Variants in BLTP2 observed in about 807,000 individuals in gnomAD.
BLTP2 encodes the protein U937-associated antigen.
At chr17:28,627,840 T>C in the BLTP2 span, among the ~76,000 whole-genome samples, 1 of 152,082 alleles carries the variant, frequency 6.6e-6, no homozygotes, top group African/African-American at 2.4e-5. Flanking sequence ...GTATTATTTT[T>C]AGTAGAGATG....
At chr17:28,642,974 T>C in the BLTP2 span, 2 of 1,593,738 alleles carry the variant, frequency 1.3e-6, no homozygotes, top group Non-Finnish European at 1.7e-6. Flanking sequence ...AGCATCTACA[T>C]GAATGGAGAA....
chr17:28,640,028 G>A, the BLTP2 span: 1 of 1,612,890 alleles, frequency 6.2e-7, no homozygotes, highest in Admixed American at 1.7e-5. Flanking sequence ...TCAGGTGCCT[G>A]GACCGAGACA....
the BLTP2 span, chr17:28,634,700 G>A: frequency 8.8e-4 from 1,413 of 1,614,218 alleles, 19 homozygotes; most frequent in Admixed American, 0.022. Flanking sequence ...CAAGTAAGCA[G>A]TGCCCGGCGC....
At chr17:28,635,890 T>A in the BLTP2 span, 1 of 358,232 alleles carries the variant, frequency 2.8e-6, no homozygotes, top group Non-Finnish European at 5.1e-6. Flanking sequence ...CTTAATTCTT[T>A]GGTATCTACC....
chr17:28,637,010 A>G, the BLTP2 span: 14 of 1,614,200 alleles, frequency 8.7e-6, no homozygotes, highest in South Asian at 2.2e-5. Context: ...AGAGCATGGA[A>G]AGGCTGAGCA....
chr17:28,644,064 T>G, the BLTP2 span: 1 of 1,614,178 alleles, frequency 6.2e-7, no homozygotes, highest in East Asian at 2.2e-5. Context: ...TCACCACTGT[T>G]TGCTGGTGTT....
At chr17:28,620,093 A>C in the BLTP2 span, 2 of 1,330,954 alleles carry the variant, frequency 1.5e-6, no homozygotes, top group Non-Finnish European at 2.1e-6. Flanking sequence ...AGAAAGGAGA[A>C]AGAAATGGGG....
chr17:28,637,474 T>A, the BLTP2 span, among the ~76,000 whole-genome samples: 2 of 152,346 alleles, frequency 1.3e-5, no homozygotes, highest in African/African-American at 2.4e-5. Flanking sequence ...CTTTTTCTTA[T>A]ATGTCTTGCT....
the BLTP2 span, among the ~76,000 whole-genome samples, chr17:28,624,695 C>T: frequency 6.6e-6 from 1 of 152,044 alleles, no homozygotes; most frequent in African/African-American, 2.4e-5. Flanking sequence ...CATTTTATTT[C>T]TTTTTTCATT....
At chr17:28,633,823 G>A in the BLTP2 span, 54 of 1,597,168 alleles carry the variant, frequency 3.4e-5, no homozygotes, top group Non-Finnish European at 4.5e-5. Flanking sequence ...CTCCAGAAGG[G>A]TCTCAGCTCA....
At chr17:28,637,814 A>T in the BLTP2 span, 3 of 1,608,156 alleles carry the variant, frequency 1.9e-6, no homozygotes, top group African/African-American at 2.7e-5. Flanking sequence ...ACACTTCAGT[A>T]TAGACTCCTT....
chr17:28,638,435 A>C, the BLTP2 span: 2 of 1,611,226 alleles, frequency 1.2e-6, no homozygotes, highest in South Asian at 1.1e-5. Context: ...GGTGAGAAAG[A>C]GGGATTGCAT....
the BLTP2 span, chr17:28,642,037 C>T: frequency 3.1e-6 from 5 of 1,614,092 alleles, no homozygotes; most frequent in African/African-American, 6.7e-5. Context: ...CCTTTAGACA[C>T]AGGTCCAGGG....
the BLTP2 span, chr17:28,643,065 G>A: frequency 5.1e-5 from 78 of 1,533,928 alleles, no homozygotes; most frequent in African/African-American, 9.9e-4. Flanking sequence ...AAGAGGGGCA[G>A]CTCTTAGCAT....
the BLTP2 span, chr17:28,639,014 C>G: frequency 1.1e-5 from 5 of 475,830 alleles, no homozygotes; most frequent in Non-Finnish European, 1.9e-5. Context: ...TGACTGCCAC[C>G]TTACAATCAA....
At chr17:28,634,292 A>G in the BLTP2 span, among the ~76,000 whole-genome samples, 4 of 152,204 alleles carry the variant, frequency 2.6e-5, no homozygotes, top group Non-Finnish European at 5.9e-5. Flanking sequence ...TCCAAGAGAC[A>G]CAATAACCTT....
chr17:28,623,029 C>T, the BLTP2 span, among the ~76,000 whole-genome samples: 3 of 152,058 alleles, frequency 2.0e-5, no homozygotes, highest in Admixed American at 6.5e-5. Context: ...GAGCTGAGTT[C>T]GCGCCATTGC....
At chr17:28,638,614 T>C in the BLTP2 span, 3 of 1,612,546 alleles carry the variant, frequency 1.9e-6, no homozygotes, top group Non-Finnish European at 2.5e-6. Context: ...GTGCTAAAGA[T>C]GATGGGAGCC....
chr17:28,618,822 T>G, the BLTP2 span: 1 of 1,614,054 alleles, frequency 6.2e-7, no homozygotes, highest in South Asian at 1.1e-5. Flanking sequence ...CAGTTCTAAT[T>G]CAGCAATTCC....
Sources: gnomAD v4.1 joint callset for allele counts (sites outside exome capture counted in the v4.1 genomes callset) on GRCh38, gnomAD v4.1.1 for gene constraint, MANE v1.5 for transcripts, NCBI Gene and HGNC (gene_info 2026-07-23, HGNC 2026-07-21) for gene names.